Variants in CWF19L2 observed in about 807,000 individuals in gnomAD.
The protein encoded by CWF19L2 is CWF19-like protein 2.
CWF19L2 carries 98 observed loss-of-function variants against 111.7 expected under a neutral mutation model. The ratio of observed to expected loss-of-function variants is 0.88; its 90% CI spans 0.75 to 1.04. The LOEUF (loss-of-function observed/expected upper bound fraction) is 1.04, where lower values mean the gene tolerates loss of function less well. Among genes scored for constraint, CWF19L2 ranks in the 50% least tolerant of loss-of-function variants. The probability of loss-of-function intolerance (pLI) is 0.00; values close to 1 mark genes in which losing one functional copy is unlikely to be tolerated. For missense variants in CWF19L2, 1,101 were observed against 1,051.4 expected, an observed-to-expected ratio of 1.05 and a Z score of -0.65; for synonymous variants, 351 against 342.9, an observed-to-expected ratio of 1.02 and a Z score of -0.26.
In CWF19L2 at chr11:107,454,465, T is replaced by A; in HGVS notation, c.324A>T (p.Ser108=). Residue 108 remains serine (S), a synonymous_variant, in exon 3 of 18, where the codon TCA becomes TCT. Coordinates refer to ENST00000282251, the MANE Select transcript of CWF19L2 (RefSeq NM_152434.3). ...KKQKYEKNNE[S]SDSSSSSEDE... ...ACATACTTACTGATGAGCTATCAGA[T>A]GACTCATTGTTTTTTTCATATTTCT... 6.9e-7 allele frequency: 1 copy of A among 1,445,154 alleles called. No individual in the cohort carries two copies. The highest frequency in any genetic ancestry group is 1.5e-5 in the African/African-American group (1 of 68,368). The allele number at this position is 1,445,154 out of a possible 1,614,324, so 89.5% of individuals were successfully genotyped here. A position where few individuals can be genotyped will look rare whatever the true frequency, so the allele number is the denominator to read the frequency against.
rs571422405 is a variant in CWF19L2, at chr11:107,403,841, G to C, written c.1618-10946C>G. Reference sequence around the variant, plus strand: ...CAACCTTTTAAGTTCATTGTTAAGTGAATCTGTGCTTTCTAGGAATTTCCT... The same window carrying C: ...CAACCTTTTAAGTTCATTGTTAAGTCAATCTGTGCTTTCTAGGAATTTCCT... On this transcript the variant is annotated intron_variant, in intron 10 of 17. Coordinates refer to ENST00000282251, the MANE Select transcript of CWF19L2 (RefSeq NM_152434.3). 1.9e-5 allele frequency: 15 copies of C among 808,536 alleles called. 1 individual carries two copies. Among genetic ancestry groups the C allele is most frequent in the South Asian group, 1.5e-4 (11 of 72,264 alleles). 50.1% of individuals were successfully genotyped at this position (808,536 alleles called of 1,614,324 possible). A position where few individuals can be genotyped will look rare whatever the true frequency, so the allele number is the denominator to read the frequency against.
At chr11:107,363,074 C>G (rs368549869) in intron 12 of CWF19L2, among the ~76,000 whole-genome samples, 1 of 151,770 alleles carries the variant, frequency 6.6e-6, no homozygotes, top group South Asian at 2.1e-4. Context: ...AGGGTATCAG[C>G]GATGGAAGAT....
At chr11:107,421,410 TA>T (rs1429848562) in intron 8 of CWF19L2, among the ~76,000 whole-genome samples, 1 of 151,428 alleles carries the variant, frequency 6.6e-6, no homozygotes, top group Admixed American at 6.6e-5. Flanking sequence ...CAGAGTAAAA[TA>T]AATAGAAAAT....
intron 10 of CWF19L2, among the ~76,000 whole-genome samples, chr11:107,402,885 A>G (rs946847333): frequency 2.4e-4 from 14 of 59,226 alleles, no homozygotes; most frequent in African/African-American, 5.7e-4. Flanking sequence ...ATATATATAT[A>G]TATATATATA....
intron 10 of CWF19L2, chr11:107,404,276 C>T (rs527935320): frequency 3.1e-5 from 24 of 779,324 alleles, no homozygotes; most frequent in Admixed American, 1.4e-4. Flanking sequence ...AGTGAGATCT[C>T]GCCACATGCC....
intron 6 of CWF19L2, among the ~76,000 whole-genome samples, chr11:107,438,216 G>C (rs1447998547): frequency 6.6e-6 from 1 of 152,184 alleles, no homozygotes; most frequent in African/African-American, 2.4e-5. Flanking sequence ...ATCACAATTT[G>C]TAATACTACC....
intron 12 of CWF19L2, among the ~76,000 whole-genome samples, chr11:107,387,268 C>T (rs987282101): frequency 4.6e-5 from 7 of 152,050 alleles, no homozygotes; most frequent in African/African-American, 1.4e-4. Context: ...TGTATCCTGA[C>T]ACTTTTCACC....
chr11:107,410,284 A>C (rs538664523), intron 10 of CWF19L2, among the ~76,000 whole-genome samples: 5 of 151,982 alleles, frequency 3.3e-5, no homozygotes, highest in African/African-American at 1.2e-4. Flanking sequence ...CTGATTTCTA[A>C]AAAAAAACCA....
At chr11:107,329,872 T>A in intron 17 of CWF19L2, 46 bp downstream of exon 17, 1 of 1,406,614 alleles carries the variant, frequency 7.1e-7, no homozygotes, top group Non-Finnish European at 9.6e-7. Context: ...AAGAAAAATG[T>A]TACCAAATTG....
In CWF19L2 at chr11:107,429,160, C is replaced by T. The variant is rs762511973; in HGVS notation, c.1072G>A (p.Glu358Lys). Residue 358 changes from glutamate to lysine, a missense_variant, in exon 8 of 18, where the codon GAG becomes AAG. By Grantham distance (56) the Glu-to-Lys change is moderately conservative (BLOSUM62 1). Transcript: ENST00000282251. ...RRESNPRQNQ[E>K]FSFGNLRAKF... is the part of the protein sequence containing the mutation. ...GCTCTCAAATTGCCAAAAGAAAACT[C>T]TTGATTTTGCCTTGGGTTAGATTCT... 20 of 1,613,768 alleles carry T rather than the reference C, an allele frequency of 1.2e-5. No individual in the cohort carries two copies. In the Admixed American group the frequency reaches 3.3e-4, roughly 27 times the overall value.
intron 11 of CWF19L2, among the ~76,000 whole-genome samples, chr11:107,390,548 T>G (rs1228397162): frequency 3.9e-5 from 6 of 152,198 alleles, no homozygotes; most frequent in African/African-American, 1.4e-4. Context: ...ACCACTGTGG[T>G]GGGAAGACTG....
intron 3 of CWF19L2, 94 bp from the exon 4 acceptor site, chr11:107,443,143 GA>G (rs2135422961): frequency 1.2e-6 from 1 of 848,882 alleles, no homozygotes. Context: ...CAACATCGTA[GA>G]AAAAAATTCT....
intron 10 of CWF19L2, chr11:107,404,194 T>G: frequency 1.3e-6 from 1 of 776,740 alleles, no homozygotes; most frequent in Non-Finnish European, 2.4e-6. Flanking sequence ...GGGGGAATTA[T>G]GATAGACCTT....
chr11:107,432,407 C>A (rs1340051575), intron 7 of CWF19L2, among the ~76,000 whole-genome samples: 1 of 152,128 alleles, frequency 6.6e-6, no homozygotes, highest in African/African-American at 2.4e-5. Flanking sequence ...GAAACCCTGT[C>A]TCTACTAAAA....
At chr11:107,331,104 T>C (rs1859843499) in intron 16 of CWF19L2, among the ~76,000 whole-genome samples, 1 of 152,220 alleles carries the variant, frequency 6.6e-6, no homozygotes, top group Admixed American at 6.5e-5. Flanking sequence ...AGAAATGGGA[T>C]ACCATTTGTG....
intron 10 of CWF19L2, among the ~76,000 whole-genome samples, chr11:107,407,068 A>C (rs1379344491): frequency 6.6e-6 from 1 of 151,836 alleles, no homozygotes; most frequent in Admixed American, 6.6e-5. Context: ...TTTTTTCAGT[A>C]TTCTGGAGTT....
intron 12 of CWF19L2, among the ~76,000 whole-genome samples, chr11:107,359,922 G>C (rs1860298037): frequency 6.6e-6 from 1 of 152,222 alleles, no homozygotes; most frequent in Admixed American, 6.5e-5. Flanking sequence ...GGGCAAATTG[G>C]ATTGGACTAC....
intron 1 of CWF19L2, among the ~76,000 whole-genome samples, chr11:107,456,919 TAG>T (rs1240259638): frequency 6.6e-6 from 1 of 152,102 alleles, no homozygotes; most frequent in East Asian, 1.9e-4. Context: ...ATTTTCCCTT[TAG>T]AGTCTCCTCT....
In CWF19L2 at chr11:107,439,162, A is replaced by C; in HGVS notation, c.592T>G (p.Leu198Val). The C allele has an allele frequency of 6.2e-7, 1 of 1,609,040 alleles. No individual in the cohort carries two copies. The highest frequency in any genetic ancestry group is 8.5e-7 in the Non-Finnish European group (1 of 1,176,692). The change falls in exon 6 of 18, where the codon TTG (leucine) becomes GTG (valine). Residue 198 changes from leucine (L) to valine (V), a missense_variant. Coordinates refer to ENST00000282251, the MANE Select transcript of CWF19L2 (RefSeq NM_152434.3). ...LEQSKLMERE[L>V]NPYWKDGGTG... is the part of the protein sequence containing the mutation. ...CCACCATCCTTCCAGTACGGATTCA[A>C]TTCTCTTTCCATCAGTTTGGACTAG...
Sources: allele counts gnomAD v4.1 joint callset (sites outside exome capture counted in the v4.1 genomes callset), GRCh38; gene constraint gnomAD v4.1.1; transcripts MANE v1.5; gene names NCBI Gene and HGNC (gene_info 2026-07-23, HGNC 2026-07-21).